The following SCLT1 variants were observed in gnomAD, a reference collection of about 807,000 sequenced individuals.
SCLT1 encodes the protein sodium channel and clathrin linker 1.
In SCLT1, 78 loss-of-function variants were observed where a neutral mutation model predicts 112.8. The observed-to-expected ratio is 0.69, with a 90% confidence interval of 0.58 to 0.83. SCLT1 has a LOEUF of 0.83. SCLT1 is among the 40% of genes least tolerant of loss of function. The pLI is 0.00. For synonymous variants in SCLT1, 257 were observed against 254.7 expected, an observed-to-expected ratio of 1.01 and a Z score of -0.09; for missense variants, 747 against 770.4, an observed-to-expected ratio of 0.97 and a Z score of 0.36.
chr4:128,936,071 A>T (rs1737153806), intron 18 of SCLT1, among the ~76,000 whole-genome samples: 2 of 151,982 alleles, frequency 1.3e-5, no homozygotes, highest in Admixed American at 6.6e-5. Flanking sequence ...TCATAGTACT[A>T]GTTTCTTTCT....
intron 9 of SCLT1, among the ~76,000 whole-genome samples, chr4:128,990,370 G>A (rs1742455997): frequency 6.6e-6 from 1 of 151,830 alleles, no homozygotes; most frequent in Non-Finnish European, 1.5e-5. Context: ...TGCTGAAAAA[G>A]TATTTGATAA....
chr4:128,888,839 A>G (rs1733092485), intron 19 of SCLT1, 65 bp from the exon 20 acceptor site: 2 of 922,254 alleles, frequency 2.2e-6, no homozygotes, highest in African/African-American at 1.7e-5. Flanking sequence ...TTTGTGGAAT[A>G]ATCAACGAAA....
chr4:128,962,973 G>A (rs1294478169), intron 11 of SCLT1, among the ~76,000 whole-genome samples: 1 of 152,152 alleles, frequency 6.6e-6, no homozygotes, highest in Non-Finnish European at 1.5e-5. Context: ...TCTAGGAAGT[G>A]AATATTTGCT....
At chr4:128,921,569 C>T (rs1382711541) in intron 18 of SCLT1, among the ~76,000 whole-genome samples, 1 of 152,130 alleles carries the variant, frequency 6.6e-6, no homozygotes, top group African/African-American at 2.4e-5. Flanking sequence ...ACTCCCTATT[C>T]AATAAATGGT....
rs147289195 is a variant in SCLT1 at position 129,053,476 on chromosome 4, T to C, written c.103-9425A>G. ...TCTTAATGCATTGATCCCTTTAACA[T>C]TATGTAATGCCCTTCTTTATCTCTT... On this transcript the variant is annotated intron_variant, in intron 2 of 20. Transcript: ENST00000281142. Among the ~76,000 whole-genome samples the C allele has an allele frequency of 7.7e-3, 1,177 of 151,876 alleles. 13 individuals are homozygous for C. The highest frequency in any genetic ancestry group is 0.027 in the African/African-American group (1,113 of 41,402).
Position 129,044,092 on chromosome 4 carries a change from T to C in SCLT1, c.103-41A>G, listed in dbSNP as rs752226360. On this transcript the variant is annotated intron_variant, in intron 2 of 20. Coordinates refer to ENST00000281142, the MANE Select transcript of SCLT1 (RefSeq NM_144643.4). ...CATCTTAAAATGTGTTCTCACATCA[T>C]TCTAGCCAAAATTGATAGTGATATA... The C allele has an allele frequency of 2.2e-5, 23 of 1,062,018 alleles. No individual in the cohort carries two copies. In the South Asian group the frequency reaches 3.1e-4, roughly 14 times the overall value. 65.8% of individuals were successfully genotyped at this position (1,062,018 alleles called of 1,614,324 possible). A position where few individuals can be genotyped will look rare whatever the true frequency, so the allele number is the denominator to read the frequency against.
At chr4:129,064,351 T>G in intron 2 of SCLT1, among the ~76,000 whole-genome samples, 1 of 152,196 alleles carries the variant, frequency 6.6e-6, no homozygotes, top group Admixed American at 6.5e-5. Flanking sequence ...TGGACCTTGC[T>G]TTTTCCTTTT....
intron 2 of SCLT1, among the ~76,000 whole-genome samples, chr4:129,070,681 A>T (rs1385180799): frequency 6.6e-6 from 1 of 151,840 alleles, no homozygotes; most frequent in Admixed American, 6.6e-5. Flanking sequence ...ATGGTCTATC[A>T]ATTTTATTTA....
chr4:129,087,696 G>A (rs1011745014), intron 1 of SCLT1, among the ~76,000 whole-genome samples: 9 of 145,744 alleles, frequency 6.2e-5, no homozygotes, highest in Non-Finnish European at 1.2e-4. Context: ...CAAGGTTGTA[G>A]TGAGCTACTA....
chr4:128,997,232 A>G (rs913847658), intron 8 of SCLT1: 5 of 151,964 alleles, frequency 3.3e-5, no homozygotes, highest in Non-Finnish European at 5.9e-5. Context: ...ATTGTTATAC[A>G]AAGACATTTT....
rs114735515 is a variant in SCLT1, at chr4:128,968,370, G to C, written c.777+2008C>G. ...CCCAATCTATTTTTGAGTCCATCTAGTGAAATTTTTATTTCAGTTGCTGAA... is the reference window on the plus strand; with the variant it reads ...CCCAATCTATTTTTGAGTCCATCTACTGAAATTTTTATTTCAGTTGCTGAA... On this transcript the variant is annotated intron_variant, in intron 10 of 20. Transcript: ENST00000281142. Among the ~76,000 whole-genome samples, 377 of 152,170 alleles carry C rather than the reference G, an allele frequency of 2.5e-3. 2 individuals carry two copies. Among genetic ancestry groups the C allele is most frequent in the African/African-American group, 8.9e-3 (369 of 41,528 alleles).
chr4:129,093,505 G>C lies in SCLT1; in HGVS notation c.-402C>G, dbSNP rs1753043209. ...CGGGGGTTGGAGAGGACAACGCCAA[G>C]ACGGCTGGGAAGCCCCAGGCCAGCA... On this transcript the variant is annotated 5_prime_UTR_variant, in exon 1 of 21. Coordinates refer to ENST00000281142, the MANE Select transcript of SCLT1 (RefSeq NM_144643.4). 5.3e-6 allele frequency: 1 copy of C among 189,250 alleles called. No individual in the cohort carries two copies. The highest frequency in any genetic ancestry group is 2.3e-5 in the African/African-American group (1 of 42,866). The allele number at this position is 189,250 out of a possible 1,614,324, so 11.7% of individuals were successfully genotyped here.
chr4:128,883,840 T>G (rs1732710190), downstream of SCLT1, among the ~76,000 whole-genome samples: 1 of 152,220 alleles, frequency 6.6e-6, no homozygotes, highest in African/African-American at 2.4e-5. Flanking sequence ...CCATGCAGTC[T>G]TAGCACCTAA....
chr4:128,884,392 A>G lies in SCLT1; in HGVS notation c.*85T>C, dbSNP rs2125918160. Reference sequence around the variant, plus strand: ...AAATAACACAAGCCTTAACTATTATACTTTGCAGGCTTTACCATTTCAATA... The same window carrying G: ...AAATAACACAAGCCTTAACTATTATGCTTTGCAGGCTTTACCATTTCAATA... On this transcript the variant is annotated 3_prime_UTR_variant, in exon 21 of 21. Coordinates refer to ENST00000281142, the MANE Select transcript of SCLT1 (RefSeq NM_144643.4). 3.7e-6 allele frequency: 3 copies of G among 802,936 alleles called. No individual in the cohort carries two copies. The highest frequency in any genetic ancestry group is 1.7e-5 in the African/African-American group (1 of 58,796). 49.7% of individuals were successfully genotyped at this position (802,936 alleles called of 1,614,324 possible).
chr4:128,924,965 T>C (rs1401663854), intron 18 of SCLT1, among the ~76,000 whole-genome samples: 7 of 152,126 alleles, frequency 4.6e-5, no homozygotes, highest in African/African-American at 1.7e-4. Context: ...CCCTCACTCC[T>C]CTCTCCTCAC....
chr4:129,048,226 C>T (rs866029609), intron 2 of SCLT1, among the ~76,000 whole-genome samples: 10 of 152,292 alleles, frequency 6.6e-5, no homozygotes, highest in Middle Eastern at 6.8e-3. Context: ...TGACTTAAAA[C>T]TATACTACAA....
chr4:129,022,482 G>A (rs952179503), intron 5 of SCLT1, among the ~76,000 whole-genome samples: 3 of 152,130 alleles, frequency 2.0e-5, no homozygotes, highest in Non-Finnish European at 2.9e-5. Context: ...AACACAGCAC[G>A]AGAACTTAGT....
chr4:128,936,604 G>A, intron 18 of SCLT1, 51 bp downstream of exon 18: 1 of 1,151,578 alleles, frequency 8.7e-7, no homozygotes, highest in East Asian at 2.4e-5. Context: ...TAAACTATAG[G>A]TTAAAGAATT....
At chr4:129,051,746 G>A (rs926734874) in intron 2 of SCLT1, among the ~76,000 whole-genome samples, 8 of 152,120 alleles carry the variant, frequency 5.3e-5, no homozygotes, top group Non-Finnish European at 1.2e-4. Flanking sequence ...GCCCTGGCCA[G>A]AACTTCCAAT....
Sources: allele counts gnomAD v4.1 joint callset (sites outside exome capture counted in the v4.1 genomes callset), GRCh38; gene constraint gnomAD v4.1.1; transcripts MANE v1.5; gene names NCBI Gene and HGNC (gene_info 2026-07-23, HGNC 2026-07-21).